Variants in PACSIN3 observed in about 807,000 individuals in gnomAD.
The protein encoded by PACSIN3 is protein kinase C and casein kinase substrate in neurons 3.
PACSIN3 carries 34 observed loss-of-function variants against 56.1 expected under a neutral mutation model. That is an observed-to-expected ratio of 0.61 (90% confidence interval 0.46 to 0.81). PACSIN3 has a LOEUF of 0.81. PACSIN3 is among the 30% of genes least tolerant of loss of function. PACSIN3 has a pLI of 0.00. For missense variants in PACSIN3, 535 were observed against 592.4 expected, an observed-to-expected ratio of 0.90 and a Z score of 1.01; for synonymous variants, 218 against 229.8, an observed-to-expected ratio of 0.95 and a Z score of 0.46.
Position 47,178,805 on chromosome 11 carries a change from A to T in PACSIN3, c.1037+89T>A. 1.4e-6 allele frequency: 2 copies of T among 1,463,646 alleles called. No homozygotes were observed. Among genetic ancestry groups the T allele is most frequent in the Non-Finnish European group, 1.9e-6 (2 of 1,066,610 alleles). The allele number at this position is 1,463,646 out of a possible 1,614,324, so 90.7% of individuals were successfully genotyped here. A position where few individuals can be genotyped will look rare whatever the true frequency, so the allele number is the denominator to read the frequency against. ...CTGGCACCAATTTTCAACCCATTTC[A>T]GGTGTGAAAGAAATGAAACCAAGGA... On this transcript the variant is annotated intron_variant, in intron 9 of 10. Transcript: ENST00000298838. The surrounding 1 kb of genome is among the most constrained non-coding windows in gnomAD (Gnocchi z 4.2).
intron 1 of PACSIN3, chr11:47,185,849 G>C (rs569802748): frequency 3.9e-5 from 6 of 152,504 alleles, no homozygotes; most frequent in Non-Finnish European, 7.3e-5. Flanking sequence ...CGAAGCTCTA[G>C]ACTTCTTGGC....
At position 47,178,169 on chromosome 11, in the gene PACSIN3, C is replaced by G; in HGVS notation, c.1160-123G>C. On this transcript the variant is annotated intron_variant, in intron 10 of 10. Coordinates refer to ENST00000298838, the MANE Select transcript of PACSIN3 (RefSeq NM_016223.5). The surrounding 1 kb of genome is among the most constrained non-coding windows in gnomAD (Gnocchi z 4.2). ...CCAGCTAGCAAAGACATGGCTCAGG[C>G]AGAGGCAGGTCAAGGTCAGCAAGCT... The G allele has an allele frequency of 8.6e-7, 1 of 1,166,626 alleles. No individual in the cohort carries two copies. The highest frequency in any genetic ancestry group is 1.2e-6 in the Non-Finnish European group (1 of 809,744). 72.3% of individuals were successfully genotyped at this position (1,166,626 alleles called of 1,614,324 possible).
Position 47,179,095 on chromosome 11 carries a change from G to T in PACSIN3, c.900+64C>A. ...ACCACCTTCACTTACTTCATCCCTAGCCCTGGCCGAGCTGAGTGGGAGCCC... is the reference window on the plus strand; with the variant it reads ...ACCACCTTCACTTACTTCATCCCTATCCCTGGCCGAGCTGAGTGGGAGCCC... On this transcript the variant is annotated intron_variant, in intron 8 of 10. Transcript: ENST00000298838. This position sits in a 1 kb window ranked among gnomAD's most constrained non-coding sequence, Gnocchi z 4.4. 1.2e-6 allele frequency: 2 copies of T among 1,613,688 alleles called. No individual in the cohort carries two copies. The highest frequency in any genetic ancestry group is 1.7e-6 in the Non-Finnish European group (2 of 1,179,898).
At position 47,178,866 on chromosome 11, in the gene PACSIN3, T is replaced by C. The variant is rs768345145; in HGVS notation, c.1037+28A>G. ...GAGGGCGGGAGGCAGAGCTGTTTCT[T>C]TGCCACAGCCGCGCTCCTGGCTCTC... On this transcript the variant is annotated intron_variant, in intron 9 of 10. Transcript: ENST00000298838. This position sits in a 1 kb window ranked among gnomAD's most constrained non-coding sequence, Gnocchi z 4.2. 6.2e-7 allele frequency: 1 copy of C among 1,612,568 alleles called. No homozygotes were observed. Among genetic ancestry groups the C allele is most frequent in the Non-Finnish European group, 8.5e-7 (1 of 1,179,508 alleles).
chr11:47,180,767 GCATGGA>G, intron 4 of PACSIN3, 77 bp from the exon 5 acceptor site: 2 of 1,144,608 alleles, frequency 1.7e-6, no homozygotes, highest in Non-Finnish European at 2.5e-6. Flanking sequence ...TGGGTGTGAG[GCATGGA>G]GGCATGGGGT....
chr11:47,180,129 T>G, intron 6 of PACSIN3, 57 bp downstream of exon 6: 3 of 1,517,644 alleles, frequency 2.0e-6, no homozygotes, highest in Non-Finnish European at 2.7e-6. Context: ...GGGAGCAAGA[T>G]TCATTCAGGA....
Position 47,179,341 on chromosome 11 carries a change from C to T in PACSIN3, c.780-62G>A. 1.2e-6 allele frequency: 2 copies of T among 1,613,334 alleles called. No homozygotes were observed. The highest frequency in any genetic ancestry group is 1.1e-5 in the South Asian group (1 of 91,074). On this transcript the variant is annotated intron_variant, in intron 7 of 10. Coordinates refer to ENST00000298838, the MANE Select transcript of PACSIN3 (RefSeq NM_016223.5). This position sits in a 1 kb window ranked among gnomAD's most constrained non-coding sequence, Gnocchi z 4.4. ...TAGACCCTGCATCCCTCAGTCCCAG[C>T]CAGGGCCTCGGGGAGATGGAGGAGA... is the stretch of plus-strand genomic sequence containing the variant.
chr11:47,179,728 C>T lies in PACSIN3; in HGVS notation c.604-142G>A. On this transcript the variant is annotated intron_variant, in intron 6 of 10. Coordinates refer to ENST00000298838, the MANE Select transcript of PACSIN3 (RefSeq NM_016223.5). This position sits in a 1 kb window ranked among gnomAD's most constrained non-coding sequence, Gnocchi z 4.4. ...TCAGTCCCAAGACCCAGCTCCTGCC[C>T]TCAAGGACCCCAGCAGCCTAACAAG... 1 of 694,038 alleles carries T rather than the reference C, an allele frequency of 1.4e-6. No individual in the cohort carries two copies. Among genetic ancestry groups the T allele is most frequent in the Non-Finnish European group, 2.4e-6 (1 of 421,850 alleles). The allele number at this position is 694,038 out of a possible 1,614,324, so 43.0% of individuals were successfully genotyped here.
In PACSIN3 at chr11:47,178,442, C is replaced by T; in HGVS notation, c.1083G>A (p.Lys361=). ...EEWSDEESPR[K]AATGVRVRAL... is the part of the protein sequence containing the mutation. ...CCCTCACCCGAACCCCGGTGGCAGCCTTCCGGGGACTCTCTTCATCTGACC... is the reference window on the plus strand; with the variant it reads ...CCCTCACCCGAACCCCGGTGGCAGCTTTCCGGGGACTCTCTTCATCTGACC... Residue 361 remains lysine (K), a synonymous_variant, in exon 10 of 11, where the codon AAG becomes AAA. Coordinates refer to ENST00000298838, the MANE Select transcript of PACSIN3 (RefSeq NM_016223.5). The surrounding 1 kb of genome is among the most constrained non-coding windows in gnomAD (Gnocchi z 4.2). 1 of 1,613,982 alleles carries T rather than the reference C, an allele frequency of 6.2e-7. No homozygotes were observed. Among genetic ancestry groups the T allele is most frequent in the Non-Finnish European group, 8.5e-7 (1 of 1,180,016 alleles).
At chr11:47,184,748 G>A (rs562299650) in intron 1 of PACSIN3, among the ~76,000 whole-genome samples, 31 of 152,338 alleles carry the variant, frequency 2.0e-4, no homozygotes, top group Non-Finnish European at 4.1e-4. Context: ...ACAGGGCGAT[G>A]GAGAGAAAGA....
Position 47,179,251 on chromosome 11 carries a change from G to C in PACSIN3, c.808C>G (p.Gln270Glu). 1 of 1,614,040 alleles carries C rather than the reference G, an allele frequency of 6.2e-7. No individual in the cohort carries two copies. The highest frequency in any genetic ancestry group is 2.2e-5 in the East Asian group (1 of 44,866). Residue 270 changes from glutamine to glutamate, a missense_variant, in exon 8 of 11, where the codon CAG becomes GAG. By Grantham distance (29) the Gln-to-Glu change is conservative. Coordinates refer to ENST00000298838, the MANE Select transcript of PACSIN3 (RefSeq NM_016223.5). This position sits in a 1 kb window ranked among gnomAD's most constrained non-coding sequence, Gnocchi z 4.4. Reference protein sequence around the residue: ...KFHELHRDLHQGIEAASDEED... With the variant: ...KFHELHRDLHEGIEAASDEED... The stretch of plus-strand genomic sequence containing the variant: ...TCGTCACTGGCTGCCTCAATGCCCT[G>C]GTGCAAGTCACGGTGGAGTTCATGG...
chr11:47,178,897 G>A lies in PACSIN3; in HGVS notation c.1034C>T (p.Pro345Leu). The change falls in exon 9 of 11, where the codon CCA becomes CTA. Residue 345 changes from proline to leucine, a missense_variant. Physicochemically the swap from Pro to Leu is moderately conservative, Grantham distance 98. Coordinates refer to ENST00000298838, the MANE Select transcript of PACSIN3 (RefSeq NM_016223.5). This position sits in a 1 kb window ranked among gnomAD's most constrained non-coding sequence, Gnocchi z 4.2. ...TAPPPQSPGS[P>L]GTGQDEEWSD... ...CAGCCGCGCTCCTGGCTCTCACCCT[G>A]GGGACCCCGGGGACTGGGGTGGGGG... The A allele has an allele frequency of 6.2e-7, 1 of 1,613,738 alleles. No individual in the cohort carries two copies.
chr11:47,182,156 AAAAG>A (rs1185723833), intron 4 of PACSIN3, among the ~76,000 whole-genome samples: 3 of 152,072 alleles, frequency 2.0e-5, no homozygotes, highest in Non-Finnish European at 4.4e-5. Flanking sequence ...AAAAAAAAAA[AAAAG>A]AAAGGAAAGA....
chr11:47,180,035 T>G, intron 6 of PACSIN3, 151 bp downstream of exon 6: 1 of 741,460 alleles, frequency 1.3e-6, no homozygotes, highest in South Asian at 1.7e-5. Flanking sequence ...TTTGTCAGGT[T>G]CCTCCTTTAA....
At chr11:47,181,193 G>C (rs1953018265) in intron 4 of PACSIN3, among the ~76,000 whole-genome samples, 1 of 152,100 alleles carries the variant, frequency 6.6e-6, no homozygotes, top group Middle Eastern at 3.4e-3. Context: ...ACCCGAGAGG[G>C]GGAGACTGCA....
intron 1 of PACSIN3, among the ~76,000 whole-genome samples, chr11:47,183,824 C>T (rs1953072784): frequency 6.6e-6 from 1 of 152,176 alleles, no homozygotes. Context: ...GAGTTCCAGA[C>T]CAGCTTGGCC....
chr11:47,180,455 C>T lies in PACSIN3; in HGVS notation c.447G>A (p.Glu149=). Residue 149 remains glutamate (E), a splice_region_variant and synonymous_variant, in exon 5 of 11, where the codon GAG becomes GAA. Coordinates refer to ENST00000298838, the MANE Select transcript of PACSIN3 (RefSeq NM_016223.5). ...GGATACCTCCCCCACCCAGCCTCACCTCCTTCAGCCTCTTCAGCCAGGGCT... is the reference window on the plus strand; with the variant it reads ...GGATACCTCCCCCACCCAGCCTCACTTCCTTCAGCCTCTTCAGCCAGGGCT... ...AQKPWLKRLK[E]VEASKKSYHA... The T allele has an allele frequency of 6.3e-7, 1 of 1,595,626 alleles. No homozygotes were observed. The highest frequency in any genetic ancestry group is 8.5e-7 in the Non-Finnish European group (1 of 1,173,062).
At position 47,179,771 on chromosome 11, in the gene PACSIN3, C is replaced by T; in HGVS notation, c.604-185G>A. On this transcript the variant is annotated intron_variant, in intron 6 of 10. Transcript: ENST00000298838. This position sits in a 1 kb window ranked among gnomAD's most constrained non-coding sequence, Gnocchi z 4.4. ...CTAACAAGGGAGGTGACATCAGGCACAGCATATAAAAGAGTCTGGTGAGGA... is the reference window on the plus strand; with the variant it reads ...CTAACAAGGGAGGTGACATCAGGCATAGCATATAAAAGAGTCTGGTGAGGA... 1 of 603,912 alleles carries T rather than the reference C, an allele frequency of 1.7e-6. No individual in the cohort carries two copies. Among genetic ancestry groups the T allele is most frequent in the Non-Finnish European group, 2.9e-6 (1 of 343,336 alleles). 37.4% of individuals were successfully genotyped at this position (603,912 alleles called of 1,614,324 possible).
At chr11:47,184,307 T>C (rs1165255692) in intron 1 of PACSIN3, 2 of 152,444 alleles carry the variant, frequency 1.3e-5, no homozygotes, top group Admixed American at 1.3e-4. Flanking sequence ...GCACCTCTGC[T>C]TCTCCTTCAA....
Sources: allele counts gnomAD v4.1 joint callset (sites outside exome capture counted in the v4.1 genomes callset), GRCh38; gene constraint gnomAD v4.1.1; non-coding constraint Gnocchi (gnomAD v3.1); transcripts MANE v1.5; gene names NCBI Gene and HGNC (gene_info 2026-07-23, HGNC 2026-07-21).